ADCY2: variants seen among roughly 807,000 people sequenced by gnomAD.
ADCY2 encodes adenylate cyclase 2, also known as adenylate cyclase type 2.
Under a neutral mutation model 125.2 loss-of-function variants are expected in ADCY2, and 31 were observed. The ratio of observed to expected loss-of-function variants is 0.25; its 90% CI spans 0.19 to 0.33. The LOEUF is 0.33. Ranked by LOEUF, ADCY2 falls within the 10% of genes least tolerant of loss-of-function variation. The probability of loss-of-function intolerance (pLI) is 1.00; values close to 1 mark genes in which losing one functional copy is unlikely to be tolerated. For synonymous variants in ADCY2, 512 were observed against 548.4 expected, an observed-to-expected ratio of 0.93 and a Z score of 0.93; for missense variants, 904 against 1,418.2, an observed-to-expected ratio of 0.64 and a Z score of 5.82.
chr5:7,599,018 TTGCGCTCA>T (rs1737107871), intron 3 of ADCY2, among the ~76,000 whole-genome samples: 2 of 152,374 alleles, frequency 1.3e-5, no homozygotes, highest in South Asian at 4.1e-4. Context: ...GCAGGTGGTC[TTGCGCTCA>T]TTTGCTGCAT....
chr5:7,445,940 T>C (rs921802399), intron 2 of ADCY2, among the ~76,000 whole-genome samples: 2 of 152,192 alleles, frequency 1.3e-5, no homozygotes, highest in African/African-American at 4.8e-5. Flanking sequence ...TTTATGTCTT[T>C]TCTCCTTCAA....
chr5:7,826,821 G>C lies in ADCY2; in HGVS notation c.3226G>C (p.Val1076Leu). ...AAAGGGGGACCTGAAGACGTACTTT[G>C]TAAACACAGAAATGTCAAGGTCCCT... ...KGKGDLKTYFVNTEMSRSLSQ... is the reference protein window; with the variant it reads ...KGKGDLKTYFLNTEMSRSLSQ... The change falls in exon 25 of 25, where the codon GTA becomes CTA. Residue 1076 changes from valine (V) to leucine (L), a missense_variant. Val to Leu is a conservative substitution (Grantham distance 32, BLOSUM62 1). Coordinates refer to ENST00000338316, the MANE Select transcript of ADCY2 (RefSeq NM_020546.3). 1 of 1,614,092 alleles carries C rather than the reference G, an allele frequency of 6.2e-7. No homozygotes were observed. The highest frequency in any genetic ancestry group is 8.5e-7 in the Non-Finnish European group (1 of 1,180,008).
intron 4 of ADCY2, among the ~76,000 whole-genome samples, chr5:7,634,391 G>A (rs1318297576): frequency 6.6e-6 from 1 of 152,164 alleles, no homozygotes; most frequent in East Asian, 1.9e-4. Flanking sequence ...GGTTATCTGA[G>A]TGCTGTCAAG....
At chr5:7,606,500 A>T (rs114676296) in intron 3 of ADCY2, among the ~76,000 whole-genome samples, 206 of 152,332 alleles carry the variant, frequency 1.4e-3, no homozygotes, top group African/African-American at 4.8e-3. Flanking sequence ...TATGGAAGAG[A>T]TTATTTTACA....
chr5:7,659,011 C>T (rs1202686748), intron 4 of ADCY2, among the ~76,000 whole-genome samples: 1 of 152,134 alleles, frequency 6.6e-6, no homozygotes, highest in African/African-American at 2.4e-5. Context: ...GGCACCATGG[C>T]CCAGTCAACT....
intron 1 of ADCY2, among the ~76,000 whole-genome samples, chr5:7,413,751 C>G (rs74730018): frequency 0.11 from 16,977 of 152,126 alleles, 1,133 homozygotes; most frequent in African/African-American, 0.18. Context: ...AAAGCCTAAG[C>G]CCAGGCTTGT....
intron 22 of ADCY2, among the ~76,000 whole-genome samples, chr5:7,813,778 T>C (rs1745014615): frequency 6.6e-6 from 1 of 152,202 alleles, no homozygotes; most frequent in Non-Finnish European, 1.5e-5. Context: ...TTAAACCAAC[T>C]GTGTGAAAAC....
At chr5:7,473,824 T>G (rs1244047904) in intron 2 of ADCY2, among the ~76,000 whole-genome samples, 1 of 152,232 alleles carries the variant, frequency 6.6e-6, no homozygotes, top group Non-Finnish European at 1.5e-5. Flanking sequence ...GGTGGAGGCC[T>G]GTGGAGAAAA....
intron 13 of ADCY2, 61 bp downstream of exon 13, chr5:7,724,675 G>T (rs1741879365): frequency 8.0e-7 from 1 of 1,242,544 alleles, no homozygotes; most frequent in South Asian, 1.3e-5. Flanking sequence ...ATTTCTTCAT[G>T]AAATTGTGCT....
intron 2 of ADCY2, among the ~76,000 whole-genome samples, chr5:7,508,974 G>T (rs1042367158): frequency 6.6e-6 from 1 of 152,306 alleles, no homozygotes; most frequent in South Asian, 2.1e-4. Context: ...CCCACATTCA[G>T]TCATAAGACA....
intron 3 of ADCY2, among the ~76,000 whole-genome samples, chr5:7,621,805 C>T (rs1373256372): frequency 6.6e-6 from 1 of 152,140 alleles, no homozygotes; most frequent in African/African-American, 2.4e-5. Flanking sequence ...TGACAAATCA[C>T]CCCACGTTTA....
intron 20 of ADCY2, chr5:7,797,018 C>T (rs1744441384): frequency 6.6e-6 from 1 of 152,256 alleles, no homozygotes; most frequent in Non-Finnish European, 1.5e-5. Flanking sequence ...GGGAAATGCC[C>T]CTCGTGTGCA....
chr5:7,510,680 A>G (rs1323894250), intron 2 of ADCY2, among the ~76,000 whole-genome samples: 3 of 152,208 alleles, frequency 2.0e-5, no homozygotes. Flanking sequence ...TCTGTCAGTG[A>G]ACTGGGGAGA....
chr5:7,495,100 A>G (rs762595806), intron 2 of ADCY2, among the ~76,000 whole-genome samples: 5 of 152,208 alleles, frequency 3.3e-5, no homozygotes, highest in Non-Finnish European at 5.9e-5. Context: ...AGGCAAACCC[A>G]TATTTAATAT....
intron 22 of ADCY2, among the ~76,000 whole-genome samples, chr5:7,815,413 C>G (rs1443019164): frequency 6.6e-6 from 1 of 152,166 alleles, no homozygotes; most frequent in African/African-American, 2.4e-5. Flanking sequence ...ATTGAAACCC[C>G]GAAGGCCCAG....
intron 2 of ADCY2, among the ~76,000 whole-genome samples, chr5:7,498,054 A>G (rs1235861586): frequency 6.6e-6 from 1 of 152,098 alleles, no homozygotes; most frequent in Non-Finnish European, 1.5e-5. Flanking sequence ...AGTAAAAACA[A>G]TATTATCTCT....
At chr5:7,570,033 A>C (rs901035074) in intron 3 of ADCY2, among the ~76,000 whole-genome samples, 20 of 152,234 alleles carry the variant, frequency 1.3e-4, no homozygotes, top group African/African-American at 4.8e-4. Flanking sequence ...TCTAAAAGGA[A>C]ACTGATTGAC....
chr5:7,459,467 C>T (rs549621439), intron 2 of ADCY2, among the ~76,000 whole-genome samples: 35 of 152,282 alleles, frequency 2.3e-4, no homozygotes, highest in Admixed American at 1.6e-3. Flanking sequence ...CCACAGCTCA[C>T]GTTTCGAAGA....
At chr5:7,423,086 T>C (rs1273825508) in intron 2 of ADCY2, among the ~76,000 whole-genome samples, 17 of 152,198 alleles carry the variant, frequency 1.1e-4, no homozygotes, top group Admixed American at 1.1e-3. Context: ...AGCACACACC[T>C]AAGAAAAATT....
Sources: gnomAD v4.1 joint callset for allele counts (sites outside exome capture counted in the v4.1 genomes callset) on GRCh38, gnomAD v4.1.1 for gene constraint, MANE v1.5 for transcripts, NCBI Gene and HGNC (gene_info 2026-07-23, HGNC 2026-07-21) for gene names.